Variants in CLVS1 observed in about 807,000 individuals in gnomAD.
CLVS1 encodes clavesin 1.
CLVS1 carries 10 observed loss-of-function variants against 33.1 expected under a neutral mutation model. The observed-to-expected ratio is 0.30, with a 90% CI of 0.19 to 0.51. CLVS1 has a LOEUF of 0.51. CLVS1 is among the 20% of genes least tolerant of loss of function. The pLI is 0.97. For synonymous variants in CLVS1, 163 were observed against 166.1 expected, an observed-to-expected ratio of 0.98 and a Z score of 0.14; for missense variants, 343 against 433.4, an observed-to-expected ratio of 0.79 and a Z score of 1.85.
At chr8:61,071,480 G>A (rs60384474) in intron 1 of CLVS1, among the ~76,000 whole-genome samples, 11,919 of 152,108 alleles carry the variant, frequency 0.078, 537 homozygotes, top group Middle Eastern at 0.13. Context: ...ATCTCCCTTG[G>A]CCTCTCTCTT....
the CLVS1 span, among the ~76,000 whole-genome samples, chr8:61,036,346 T>A: frequency 6.6e-6 from 1 of 152,226 alleles, no homozygotes; most frequent in Admixed American, 6.5e-5. Context: ...AGTGAGGCAC[T>A]GTGCCTTGTG....
chr8:61,009,391 A>G, the CLVS1 span, among the ~76,000 whole-genome samples: 1 of 151,798 alleles, frequency 6.6e-6, no homozygotes, highest in Admixed American at 6.6e-5. Context: ...CAAGTGATCT[A>G]CTCGCCTCGG....
intron 2 of CLVS1, among the ~76,000 whole-genome samples, chr8:61,158,670 G>A (rs942375575): frequency 6.6e-6 from 1 of 151,714 alleles, no homozygotes; most frequent in Non-Finnish European, 1.5e-5. Context: ...GTGAGGGTAG[G>A]GTCAAGAGTA....
At chr8:61,108,696 C>G (rs776792001) in intron 1 of CLVS1, among the ~76,000 whole-genome samples, 2 of 152,216 alleles carry the variant, frequency 1.3e-5, no homozygotes, top group African/African-American at 2.4e-5. Context: ...ATTGTTTCTT[C>G]CAGTTACAAA....
At position 61,111,194 on chromosome 8, in the gene CLVS1, T is replaced by C. The variant is rs113623374; in HGVS notation, c.-242-20576T>C. On this transcript the variant is annotated intron_variant, in intron 1 of 2. Transcript: ENST00000522621. ...AAAAATGCAATGACGCTTAAGAGAG[T>C]GTTTTCAGATATTGATATACGGCTT... is the stretch of plus-strand genomic sequence containing the variant. 5.7e-3 allele frequency among the ~76,000 whole-genome samples: 868 copies of C among 152,032 alleles called. 11 individuals carry two copies. The highest frequency in any genetic ancestry group is 0.019 in the African/African-American group (782 of 41,452).
the CLVS1 span, among the ~76,000 whole-genome samples, chr8:60,985,361 A>G: frequency 8.6e-5 from 13 of 151,966 alleles, no homozygotes; most frequent in East Asian, 2.3e-3. Flanking sequence ...GATGACCTCA[A>G]TCTACCAGCC....
chr8:61,304,260 T>C (rs775051596), intron 2 of CLVS1, among the ~76,000 whole-genome samples: 1 of 152,178 alleles, frequency 6.6e-6, no homozygotes, highest in Non-Finnish European at 1.5e-5. Context: ...GGACAAAAGC[T>C]CAGAACAGTG....
intron 1 of CLVS1, among the ~76,000 whole-genome samples, chr8:61,091,114 G>A (rs761594273): frequency 2.6e-5 from 4 of 152,166 alleles, no homozygotes; most frequent in Non-Finnish European, 4.4e-5. Context: ...CTGGGTTATC[G>A]AGGTGGGCCT....
At chr8:61,414,433 C>A (rs1304996460) in intron 3 of CLVS1, among the ~76,000 whole-genome samples, 5 of 148,622 alleles carry the variant, frequency 3.4e-5, no homozygotes, top group Non-Finnish European at 7.4e-5. Flanking sequence ...TTTTTCCATT[C>A]TTTTTTTCTA....
the CLVS1 span, among the ~76,000 whole-genome samples, chr8:61,013,040 A>G: frequency 6.6e-6 from 1 of 151,936 alleles, no homozygotes; most frequent in African/African-American, 2.4e-5. Flanking sequence ...TCCCTCTCCC[A>G]TTTGCACTGA....
At chr8:61,406,055 TA>T (rs1814973309) in intron 3 of CLVS1, among the ~76,000 whole-genome samples, 2 of 152,232 alleles carry the variant, frequency 1.3e-5, no homozygotes, top group Non-Finnish European at 2.9e-5. Context: ...AAGGTCCACC[TA>T]AATAATTCAC....
chr8:61,120,650 C>G (rs1288657244), intron 1 of CLVS1, among the ~76,000 whole-genome samples: 6 of 135,068 alleles, frequency 4.4e-5, no homozygotes, highest in Non-Finnish European at 6.3e-5. Flanking sequence ...TGTCAGTCTG[C>G]CCCTGCTGGG....
chr8:61,010,492 C>G, the CLVS1 span, among the ~76,000 whole-genome samples: 1 of 152,166 alleles, frequency 6.6e-6, no homozygotes, highest in Admixed American at 6.5e-5. Flanking sequence ...ACTGGATGGC[C>G]TGTATTTTTA....
At chr8:61,111,178 A>G (rs889360461) in intron 1 of CLVS1, among the ~76,000 whole-genome samples, 5 of 152,212 alleles carry the variant, frequency 3.3e-5, no homozygotes, top group African/African-American at 1.2e-4. Context: ...AAAAAATGCA[A>G]TGACGCTTAA....
chr8:61,251,126 G>T (rs182805148), intron 2 of CLVS1, among the ~76,000 whole-genome samples: 6 of 152,224 alleles, frequency 3.9e-5, no homozygotes, highest in South Asian at 2.1e-4. Flanking sequence ...TAGTATGAAG[G>T]GCTGTTAAAT....
chr8:61,247,322 A>G (rs572191540), intron 2 of CLVS1, among the ~76,000 whole-genome samples: 4 of 152,240 alleles, frequency 2.6e-5, no homozygotes, highest in African/African-American at 9.6e-5. Context: ...CAGTAATGGG[A>G]TTGCTGTGTC....
intron 1 of CLVS1, among the ~76,000 whole-genome samples, chr8:61,102,648 A>G (rs552832581): frequency 6.6e-6 from 1 of 152,268 alleles, no homozygotes; most frequent in African/African-American, 2.4e-5. Flanking sequence ...GGTACTATAG[A>G]CCATAGTAAA....
intron 2 of CLVS1, among the ~76,000 whole-genome samples, chr8:61,234,837 T>A (rs943621270): frequency 6.6e-6 from 1 of 152,088 alleles, no homozygotes; most frequent in Non-Finnish European, 1.5e-5. Context: ...ATAACTGGTG[T>A]AATTATGCTG....
At chr8:61,160,823 C>G (rs1006402060) in intron 2 of CLVS1, among the ~76,000 whole-genome samples, 1 of 152,106 alleles carries the variant, frequency 6.6e-6, no homozygotes, top group African/African-American at 2.4e-5. Flanking sequence ...TCAACCTTGC[C>G]CCTGTTCTAG....
Sources: gnomAD v4.1 joint callset for allele counts (sites outside exome capture counted in the v4.1 genomes callset) on GRCh38, gnomAD v4.1.1 for gene constraint, MANE v1.5 for transcripts, NCBI Gene and HGNC (gene_info 2026-07-23, HGNC 2026-07-21) for gene names.